The following LUZP2 variants were observed in gnomAD, a reference collection of about 807,000 sequenced individuals.
LUZP2 encodes leucine zipper protein 2.
A neutral mutation model predicts 51.6 loss-of-function variants in LUZP2; 52 were observed. The observed-to-expected ratio is 1.01, with a 90% CI of 0.81 to 1.27. The LOEUF (loss-of-function observed/expected upper bound fraction) is 1.27. LUZP2 is among the 50% of genes most tolerant of loss of function. The pLI, the probability that LUZP2 is intolerant of heterozygous loss-of-function variation, is 0.00. For missense variants in LUZP2, 436 were observed against 395.4 expected, an observed-to-expected ratio of 1.10 and a Z score of -0.87; for synonymous variants, 154 against 137.3, an observed-to-expected ratio of 1.12 and a Z score of -0.85.
At chr11:24,650,844 C>T (rs1289832180) in intron 1 of LUZP2, among the ~76,000 whole-genome samples, 1 of 152,046 alleles carries the variant, frequency 6.6e-6, no homozygotes, top group Non-Finnish European at 1.5e-5. Flanking sequence ...TAATATGCAT[C>T]ATAAGTTGTT....
At chr11:24,828,481 T>A (rs1850605959) in intron 5 of LUZP2, among the ~76,000 whole-genome samples, 1 of 151,478 alleles carries the variant, frequency 6.6e-6, no homozygotes, top group African/African-American at 2.4e-5. Flanking sequence ...TGATTAGTGA[T>A]TAAGAAAAAT....
At chr11:24,753,377 A>C (rs1373797575) in intron 4 of LUZP2, among the ~76,000 whole-genome samples, 1 of 152,128 alleles carries the variant, frequency 6.6e-6, no homozygotes, top group African/African-American at 2.4e-5. Context: ...ACCCAGTCCT[A>C]GGTTTTTATG....
At chr11:25,002,139 C>G (rs1856700740) in intron 9 of LUZP2, among the ~76,000 whole-genome samples, 1 of 152,188 alleles carries the variant, frequency 6.6e-6, no homozygotes, top group Non-Finnish European at 1.5e-5. Context: ...TTCCCCTTTC[C>G]CAATTCTAAG....
At chr11:24,564,943 C>T (rs1455473535) in intron 1 of LUZP2, among the ~76,000 whole-genome samples, 1 of 152,054 alleles carries the variant, frequency 6.6e-6, no homozygotes, top group Non-Finnish European at 1.5e-5. Flanking sequence ...CCTTAAAGAA[C>T]CCTGGAAAAA....
chr11:24,976,462 T>C (rs1855882002), intron 7 of LUZP2, 129 bp from the exon 8 acceptor site: 5 of 517,538 alleles, frequency 9.7e-6, no homozygotes. Context: ...TAAATGAATC[T>C]TACAGGACAC....
chr11:24,883,854 T>A (rs1431021784), intron 5 of LUZP2, among the ~76,000 whole-genome samples: 1 of 151,984 alleles, frequency 6.6e-6, no homozygotes, highest in Non-Finnish European at 1.5e-5. Context: ...GCCTAAAGAG[T>A]GTTAACACAC....
intron 1 of LUZP2, among the ~76,000 whole-genome samples, chr11:24,639,329 AT>A (rs1855204773): frequency 6.9e-6 from 1 of 144,356 alleles, no homozygotes; most frequent in Non-Finnish European, 1.5e-5. Flanking sequence ...AATACATTAT[AT>A]TCTTCCATTG....
intron 5 of LUZP2, among the ~76,000 whole-genome samples, chr11:24,770,573 G>C (rs2716538): frequency 0.53 from 80,815 of 151,852 alleles, 21,895 homozygotes; most frequent in Non-Finnish European, 0.6. Context: ...TTTATATTTT[G>C]TTTTAATGTC....
At chr11:24,837,080 A>G (rs1273132116) in intron 5 of LUZP2, among the ~76,000 whole-genome samples, 2 of 151,602 alleles carry the variant, frequency 1.3e-5, no homozygotes, top group South Asian at 2.1e-4. Flanking sequence ...TATGTCCTTC[A>G]ATGTTCATCC....
At chr11:24,670,628 T>A (rs2134000848) in intron 1 of LUZP2, among the ~76,000 whole-genome samples, 1 of 152,130 alleles carries the variant, frequency 6.6e-6, no homozygotes, top group South Asian at 2.1e-4. Context: ...TTTTTAAATA[T>A]CTGTATTGAT....
intron 1 of LUZP2, among the ~76,000 whole-genome samples, chr11:24,683,147 G>A (rs35843300): frequency 0.19 from 28,137 of 152,058 alleles, 2,693 homozygotes; most frequent in East Asian, 0.32. Context: ...TTACAGAATT[G>A]TCTTCACTTA....
chr11:24,614,890 A>G (rs1854237385), intron 1 of LUZP2, among the ~76,000 whole-genome samples: 1 of 151,840 alleles, frequency 6.6e-6, no homozygotes, highest in African/African-American at 2.4e-5. Flanking sequence ...TATCTGCCTC[A>G]TGCATATTTC....
chr11:25,011,355 A>C (rs2133958395), intron 9 of LUZP2, among the ~76,000 whole-genome samples: 1 of 152,250 alleles, frequency 6.6e-6, no homozygotes, highest in African/African-American at 2.4e-5. Context: ...CATGGCTTTG[A>C]ACTTTTGCAT....
chr11:24,883,750 A>G (rs1232616213), intron 5 of LUZP2, among the ~76,000 whole-genome samples: 1 of 152,070 alleles, frequency 6.6e-6, no homozygotes, highest in Non-Finnish European at 1.5e-5. Flanking sequence ...TTTAAAGTTA[A>G]TAGCATTTGT....
At chr11:24,663,666 C>T (rs1371514037) in intron 1 of LUZP2, among the ~76,000 whole-genome samples, 1 of 151,844 alleles carries the variant, frequency 6.6e-6, no homozygotes, top group Non-Finnish European at 1.5e-5. Flanking sequence ...TAGCCGTGTC[C>T]CCATCCAAAT....
chr11:24,784,237 C>G (rs1849174854), intron 5 of LUZP2, among the ~76,000 whole-genome samples: 1 of 151,714 alleles, frequency 6.6e-6, no homozygotes, highest in African/African-American at 2.4e-5. Context: ...TTTTATTCTA[C>G]TTTGTTTTCT....
At chr11:24,632,300 T>C (rs1854924666) in intron 1 of LUZP2, among the ~76,000 whole-genome samples, 1 of 152,030 alleles carries the variant, frequency 6.6e-6, no homozygotes, top group Non-Finnish European at 1.5e-5. Flanking sequence ...TTTGATAGCA[T>C]TGTGAAAGAG....
chr11:24,884,261 T>C (rs553388233), intron 5 of LUZP2, among the ~76,000 whole-genome samples: 6 of 152,160 alleles, frequency 3.9e-5, no homozygotes, highest in African/African-American at 1.2e-4. Context: ...TAAGTGTATG[T>C]ACATTTTGAC....
intron 1 of LUZP2, among the ~76,000 whole-genome samples, chr11:24,605,539 A>T (rs1478917081): frequency 6.6e-6 from 1 of 151,774 alleles, no homozygotes; most frequent in Non-Finnish European, 1.5e-5. Context: ...TCTCTTAAGA[A>T]TTATGGCATA....
Sources: allele counts gnomAD v4.1 joint callset (sites outside exome capture counted in the v4.1 genomes callset), GRCh38; gene constraint gnomAD v4.1.1; transcripts MANE v1.5; gene names NCBI Gene and HGNC (gene_info 2026-07-23, HGNC 2026-07-21).